The following LCLAT1 variants were observed in gnomAD, a reference collection of about 807,000 sequenced individuals.
The protein encoded by LCLAT1 is lysocardiolipin acyltransferase 1.
Under a neutral mutation model 30.7 loss-of-function variants are expected in LCLAT1, and 11 were observed. The ratio of observed to expected loss-of-function variants is 0.36; its 90% CI spans 0.23 to 0.59. The LOEUF (loss-of-function observed/expected upper bound fraction) is 0.59, where lower values mean the gene tolerates loss of function less well. Among genes scored for constraint, LCLAT1 ranks in the 20% least tolerant of loss-of-function variants. The pLI is 0.77. For synonymous variants in LCLAT1, 155 were observed against 151.3 expected (o/e 1.02, Z -0.18); for missense variants, 402 against 458.6 (o/e 0.88, Z 1.13).
Position 30,568,729 on chromosome 2 carries a change from G to A in LCLAT1, c.628+553G>A, listed in dbSNP as rs564906780. On this transcript the variant is annotated intron_variant, in intron 5 of 5. Transcript: ENST00000379509. ...TCAACATGTTAGCCGGGATGGTCTC[G>A]ATTTCCTGACCTCGTGATCCAGCAG... Among the ~76,000 whole-genome samples, 23 of 150,596 alleles carry A rather than the reference G, an allele frequency of 1.5e-4. 1 individual carries two copies. The South Asian group carries it at 4.4e-3, about 29-fold the overall frequency.
rs115376988 is a variant in LCLAT1, at chr2:30,457,899, G to T, written c.-5+10516G>T. On this transcript the variant is annotated intron_variant, in intron 1 of 5. Coordinates refer to ENST00000379509, the MANE Select transcript of LCLAT1 (RefSeq NM_001002257.3). ...TTTATAGTATTATTTTCTTTGCATGGTTAGTGTGAGGATTAAAAGAGATGT... is the reference window on the plus strand; with the variant it reads ...TTTATAGTATTATTTTCTTTGCATGTTTAGTGTGAGGATTAAAAGAGATGT... 6.6e-3 allele frequency among the ~76,000 whole-genome samples: 1,012 copies of T among 152,244 alleles called. 10 individuals are homozygous for T. Among genetic ancestry groups the T allele is most frequent in the African/African-American group, 0.023 (961 of 41,542 alleles).
At chr2:30,550,582 G>A (rs1664634894) in intron 3 of LCLAT1, among the ~76,000 whole-genome samples, 1 of 152,186 alleles carries the variant, frequency 6.6e-6, no homozygotes, top group Non-Finnish European at 1.5e-5. Flanking sequence ...TACTGTAGAG[G>A]TGGAGTACCC....
chr2:30,471,190 G>T (rs1194830800), intron 1 of LCLAT1, among the ~76,000 whole-genome samples: 1 of 151,126 alleles, frequency 6.6e-6, no homozygotes, highest in Non-Finnish European at 1.5e-5. Flanking sequence ...GGGATTACTG[G>T]CATGAGCCAC....
At chr2:30,547,884 A>G (rs1306993593) in intron 3 of LCLAT1, among the ~76,000 whole-genome samples, 2 of 152,194 alleles carry the variant, frequency 1.3e-5, no homozygotes, top group Non-Finnish European at 2.9e-5. Flanking sequence ...TCACCAAGCC[A>G]TAAGAAATGT....
intron 5 of LCLAT1, among the ~76,000 whole-genome samples, chr2:30,610,133 C>G (rs1667665374): frequency 6.6e-6 from 1 of 151,954 alleles, no homozygotes; most frequent in African/African-American, 2.4e-5. Context: ...ATTACTTCCT[C>G]TATTTCTTAA....
chr2:30,568,032 A>G (rs1665576938), intron 4 of LCLAT1, 28 bp from the exon 5 acceptor site: 1 of 1,183,698 alleles, frequency 8.4e-7, no homozygotes, highest in Admixed American at 2.0e-5. Context: ...TTAGTTTATG[A>G]TTTATAATGG....
intron 1 of LCLAT1, among the ~76,000 whole-genome samples, chr2:30,464,004 G>T (rs186012208): frequency 1.2e-4 from 19 of 152,272 alleles, no homozygotes; most frequent in South Asian, 6.2e-4. Flanking sequence ...GTGTAAAAAT[G>T]TATATGTGTT....
chr2:30,640,556 A>G lies in LCLAT1; in HGVS notation c.1068A>G (p.Ile356Met). 1 of 1,613,654 alleles carries G rather than the reference A, an allele frequency of 6.2e-7. No homozygotes were observed. The highest frequency in any genetic ancestry group is 1.1e-5 in the South Asian group (1 of 90,822). Residue 356 changes from isoleucine (I) to methionine (M), a missense_variant, in exon 6 of 6, where the codon ATA (isoleucine) becomes ATG (methionine). Ile to Met is a conservative substitution (Grantham distance 10, BLOSUM62 1). Transcript: ENST00000379509. ...QERIFGGLEI[I>M]ELACYRLLHK... ...GAATATTTGGTGGACTGGAGATCATAGAACTTGCATGTTACCGACTTTTAC... is the reference window on the plus strand; with the variant it reads ...GAATATTTGGTGGACTGGAGATCATGGAACTTGCATGTTACCGACTTTTAC...
chr2:30,524,820 A>G lies in LCLAT1; in HGVS notation c.-4-767A>G, dbSNP rs757875002. On this transcript the variant is annotated intron_variant, in intron 1 of 5. Transcript: ENST00000379509. ...TTTGTAAGTTAAACTTTATCATGGTATGTATGTAATGTATATGTAGGGTTT... is the reference window on the plus strand; with the variant it reads ...TTTGTAAGTTAAACTTTATCATGGTGTGTATGTAATGTATATGTAGGGTTT... Among the ~76,000 whole-genome samples, 32 of 152,194 alleles carry G rather than the reference A, an allele frequency of 2.1e-4. No homozygotes were observed. In the South Asian group the frequency reaches 2.5e-3, roughly 12 times the overall value.
chr2:30,460,837 T>A (rs1418748195), intron 1 of LCLAT1, among the ~76,000 whole-genome samples: 1 of 152,158 alleles, frequency 6.6e-6, no homozygotes, highest in Non-Finnish European at 1.5e-5. Flanking sequence ...AGTGATTTAA[T>A]CACTGATGCC....
chr2:30,600,339 T>C (rs1438060000), intron 5 of LCLAT1, among the ~76,000 whole-genome samples: 1 of 152,054 alleles, frequency 6.6e-6, no homozygotes, highest in African/African-American at 2.4e-5. Flanking sequence ...AAAGAGATAA[T>C]GTACTAGAAT....
intron 1 of LCLAT1, among the ~76,000 whole-genome samples, chr2:30,457,184 A>G (rs572938333): frequency 6.6e-6 from 1 of 152,348 alleles, no homozygotes; most frequent in African/African-American, 2.4e-5. Flanking sequence ...TACCTGGTAG[A>G]GAAAAATTTA....
At chr2:30,545,826 A>G (rs780275705) in intron 3 of LCLAT1, among the ~76,000 whole-genome samples, 1 of 152,082 alleles carries the variant, frequency 6.6e-6, no homozygotes, top group African/African-American at 2.4e-5. Flanking sequence ...TACGTACCCA[A>G]CTCATGGCTT....
chr2:30,565,114 G>T (rs1372910993), intron 4 of LCLAT1, among the ~76,000 whole-genome samples: 7 of 152,112 alleles, frequency 4.6e-5, no homozygotes, highest in South Asian at 4.2e-4. Flanking sequence ...ATTAGTTAGG[G>T]TTCTCTAGAG....
chr2:30,630,541 A>G (rs890127203), intron 5 of LCLAT1, among the ~76,000 whole-genome samples: 1 of 152,236 alleles, frequency 6.6e-6, no homozygotes, highest in Admixed American at 6.5e-5. Flanking sequence ...TAAGGGAAAT[A>G]TTTTTTGAAT....
intron 5 of LCLAT1, among the ~76,000 whole-genome samples, chr2:30,627,242 C>T (rs1668553360): frequency 1.3e-5 from 2 of 152,238 alleles, no homozygotes; most frequent in African/African-American, 4.8e-5. Flanking sequence ...CACACAAGTC[C>T]CTCCCCCAGT....
At chr2:30,627,760 A>G (rs1304764289) in intron 5 of LCLAT1, among the ~76,000 whole-genome samples, 1 of 152,192 alleles carries the variant, frequency 6.6e-6, no homozygotes, top group Non-Finnish European at 1.5e-5. Context: ...TTAAAAAAAC[A>G]TTCTACTCTT....
At chr2:30,640,070 CA>C in intron 5 of LCLAT1, 46 bp from the exon 6 acceptor site, 1 of 1,484,172 alleles carries the variant, frequency 6.7e-7, no homozygotes, top group Non-Finnish European at 9.2e-7. Context: ...CATTATCACC[CA>C]AATTGAGCAC....
chr2:30,617,317 A>G (rs1668039563), intron 5 of LCLAT1, among the ~76,000 whole-genome samples: 2 of 152,166 alleles, frequency 1.3e-5, no homozygotes, highest in South Asian at 4.1e-4. Flanking sequence ...GGTTTAAGTT[A>G]GAATAATGCT....
Sources: allele counts gnomAD v4.1 joint callset (sites outside exome capture counted in the v4.1 genomes callset), GRCh38; gene constraint gnomAD v4.1.1; transcripts MANE v1.5; gene names NCBI Gene and HGNC (gene_info 2026-07-23, HGNC 2026-07-21).